LINGO2: variants seen among roughly 807,000 people sequenced by gnomAD.
LINGO2 encodes the protein leucine rich repeat and Ig domain containing 2.
LINGO2 carries 14 observed loss-of-function variants against 30.6 expected under a neutral mutation model. The observed-to-expected ratio is 0.46, with a 90% confidence interval of 0.30 to 0.72. LINGO2 has a LOEUF of 0.72. Among genes scored for constraint, LINGO2 ranks in the 30% least tolerant of loss-of-function variants. The probability of loss-of-function intolerance (pLI) is 0.07; values close to 1 mark genes in which losing one functional copy is unlikely to be tolerated. For missense variants in LINGO2, 729 were observed against 751.7 expected (o/e 0.97, Z 0.35); for synonymous variants, 317 against 288.5 (o/e 1.10, Z -1.00).
At chr9:28,277,418 A>G (rs964784655) in intron 4 of LINGO2, among the ~76,000 whole-genome samples, 2 of 152,126 alleles carry the variant, frequency 1.3e-5, no homozygotes, top group African/African-American at 4.8e-5. Context: ...CTGAGACACA[A>G]TCATATTGAA....
chr9:28,445,859 A>G (rs185671206), intron 2 of LINGO2, among the ~76,000 whole-genome samples: 191 of 152,092 alleles, frequency 1.3e-3, no homozygotes, highest in Admixed American at 6.4e-3. Context: ...CAGAAGGGGG[A>G]AAAAAACATG....
chr9:28,237,159 T>G (rs539139516), intron 4 of LINGO2, among the ~76,000 whole-genome samples: 14 of 152,174 alleles, frequency 9.2e-5, no homozygotes, highest in African/African-American at 3.4e-4. Context: ...TATTAGGTTT[T>G]TTTTGCATGT....
the LINGO2 span, among the ~76,000 whole-genome samples, chr9:28,848,257 T>TATATGCGTATATATATACTATATATACGC: frequency 2.4e-4 from 28 of 116,718 alleles, no homozygotes; most frequent in African/African-American, 8.8e-4. Flanking sequence ...TATACGCATA[T>TATATGCGTATATATATACTATATATACGC]ATAGTGTATA....
chr9:28,260,568 G>C (rs1209938496), intron 4 of LINGO2, among the ~76,000 whole-genome samples: 1 of 151,756 alleles, frequency 6.6e-6, no homozygotes, highest in Non-Finnish European at 1.5e-5. Flanking sequence ...TCACATCAGG[G>C]TGTGGCCTGA....
At chr9:28,542,527 C>T (rs1266427126) in intron 1 of LINGO2, among the ~76,000 whole-genome samples, 1 of 151,966 alleles carries the variant, frequency 6.6e-6, no homozygotes, top group East Asian at 1.9e-4. Context: ...GAATTGAACT[C>T]AAACTCAAAC....
intron 4 of LINGO2, among the ~76,000 whole-genome samples, chr9:28,207,251 C>T (rs1053650380): frequency 2.6e-5 from 4 of 152,090 alleles, no homozygotes; most frequent in African/African-American, 7.2e-5. Context: ...AAAGAAAGTA[C>T]ATTTTCCAAT....
chr9:28,895,674 CTGTT>C, the LINGO2 span, among the ~76,000 whole-genome samples: 2 of 151,952 alleles, frequency 1.3e-5, no homozygotes, highest in African/African-American at 4.8e-5. Flanking sequence ...GAGCCTCTCT[CTGTT>C]TGATATTTAG....
chr9:28,230,972 T>G (rs946783757), intron 4 of LINGO2, among the ~76,000 whole-genome samples: 1 of 151,998 alleles, frequency 6.6e-6, no homozygotes, highest in Non-Finnish European at 1.5e-5. Flanking sequence ...GTCATGTTTT[T>G]CTGACAAATA....
chr9:28,311,434 G>A (rs986605079), intron 3 of LINGO2, among the ~76,000 whole-genome samples: 1 of 152,102 alleles, frequency 6.6e-6, no homozygotes, highest in East Asian at 1.9e-4. Flanking sequence ...AAGCCTGGGA[G>A]CGCTACTGGA....
the LINGO2 span, among the ~76,000 whole-genome samples, chr9:28,982,942 CTT>C: frequency 6.6e-6 from 1 of 151,500 alleles, no homozygotes; most frequent in African/African-American, 2.4e-5. Context: ...ATATATGAAT[CTT>C]TTGTTTGCTA....
chr9:28,755,943 G>C, the LINGO2 span, among the ~76,000 whole-genome samples: 2 of 151,956 alleles, frequency 1.3e-5, no homozygotes, highest in Admixed American at 6.6e-5. Flanking sequence ...TGATTATCAG[G>C]AGTATAAAAG....
At chr9:29,119,425 T>C in the LINGO2 span, among the ~76,000 whole-genome samples, 10 of 151,332 alleles carry the variant, frequency 6.6e-5, no homozygotes, top group Admixed American at 2.0e-4. Flanking sequence ...TGCTGAGAAA[T>C]TGCTGGAAAA....
chr9:28,360,617 A>C (rs1393731038), intron 3 of LINGO2, among the ~76,000 whole-genome samples: 1 of 152,206 alleles, frequency 6.6e-6, no homozygotes, highest in Non-Finnish European at 1.5e-5. Flanking sequence ...TTCTCCTGAA[A>C]GATGCCTGAA....
chr9:29,128,162 C>A, the LINGO2 span, among the ~76,000 whole-genome samples: 1 of 152,096 alleles, frequency 6.6e-6, no homozygotes, highest in Admixed American at 6.6e-5. Flanking sequence ...TACAAAGTGG[C>A]ACCAGTGCCC....
chr9:28,464,633 C>T (rs941927591), intron 2 of LINGO2, among the ~76,000 whole-genome samples: 3 of 152,112 alleles, frequency 2.0e-5, no homozygotes, highest in African/African-American at 2.4e-5. Flanking sequence ...TCATAACTTC[C>T]GTATTTCCTC....
At chr9:28,451,713 T>G (rs994497269) in intron 2 of LINGO2, among the ~76,000 whole-genome samples, 2 of 151,776 alleles carry the variant, frequency 1.3e-5, no homozygotes, top group African/African-American at 4.8e-5. Context: ...TGGCTACATT[T>G]TGCCATCAGT....
intron 3 of LINGO2, among the ~76,000 whole-genome samples, chr9:28,309,851 G>C (rs1184052178): frequency 6.6e-6 from 1 of 151,826 alleles, no homozygotes. Flanking sequence ...AGGTAAAAGA[G>C]TTGATTTCAC....
chr9:28,578,640 AT>A (rs1824107754), intron 1 of LINGO2, among the ~76,000 whole-genome samples: 1 of 152,072 alleles, frequency 6.6e-6, no homozygotes, highest in South Asian at 2.1e-4. Flanking sequence ...AATTAGAAAA[AT>A]ATCCTTCTTT....
the LINGO2 span, among the ~76,000 whole-genome samples, chr9:29,045,583 TAA>T: frequency 1.4e-5 from 2 of 144,184 alleles, no homozygotes. Flanking sequence ...CCTTCATGAT[TAA>T]AAAAAAAAAA....
Sources: allele counts gnomAD v4.1 joint callset (sites outside exome capture counted in the v4.1 genomes callset), GRCh38; gene constraint gnomAD v4.1.1; transcripts MANE v1.5; gene names NCBI Gene and HGNC (gene_info 2026-07-23, HGNC 2026-07-21).